The following STK32B variants were observed in gnomAD, a reference collection of about 807,000 sequenced individuals.
The protein encoded by STK32B is serine/threonine kinase 32B.
A neutral mutation model predicts 52.6 loss-of-function variants in STK32B; 43 were observed. The ratio of observed to expected loss-of-function variants is 0.82; its 90% CI spans 0.64 to 1.05. STK32B has a LOEUF of 1.05. Among genes scored for constraint, STK32B ranks in the 50% least tolerant of loss-of-function variants. The probability of loss-of-function intolerance (pLI) is 0.00; values close to 1 mark genes in which losing one functional copy is unlikely to be tolerated. For synonymous variants in STK32B, 238 were observed against 204.3 expected (o/e 1.17, Z -1.41); for missense variants, 621 against 534.6 (o/e 1.16, Z -1.59).
At chr4:5,036,724 G>A in the STK32B span, among the ~76,000 whole-genome samples, 9 of 129,804 alleles carry the variant, frequency 6.9e-5, no homozygotes, top group African/African-American at 2.1e-4. Flanking sequence ...CTGGAGTGCC[G>A]TGGCGTGATC....
chr4:5,393,248 C>G (rs1005868467), intron 4 of STK32B, among the ~76,000 whole-genome samples: 2 of 152,134 alleles, frequency 1.3e-5, no homozygotes, highest in African/African-American at 4.8e-5. Context: ...TGTCTTTGCC[C>G]CACTCTGTTA....
chr4:5,315,889 G>C (rs375516572), intron 3 of STK32B, among the ~76,000 whole-genome samples: 5 of 150,894 alleles, frequency 3.3e-5, no homozygotes, highest in African/African-American at 1.2e-4. Flanking sequence ...ATTTTTAGTA[G>C]AGATGGGGTT....
At chr4:5,370,324 C>T (rs1456558490) in intron 4 of STK32B, among the ~76,000 whole-genome samples, 1 of 152,146 alleles carries the variant, frequency 6.6e-6, no homozygotes, top group Admixed American at 6.5e-5. Flanking sequence ...GGAGCTGCAC[C>T]ATATTTGTGA....
At chr4:5,098,093 G>C (rs547264407) in intron 1 of STK32B, among the ~76,000 whole-genome samples, 1 of 152,166 alleles carries the variant, frequency 6.6e-6, no homozygotes, top group Non-Finnish European at 1.5e-5. Flanking sequence ...AACATCACTC[G>C]CATTATATTT....
chr4:5,174,997 G>A (rs2108745651), intron 3 of STK32B, among the ~76,000 whole-genome samples: 1 of 152,202 alleles, frequency 6.6e-6, no homozygotes, highest in Middle Eastern at 3.4e-3. Flanking sequence ...GGCTTTGTTA[G>A]TTTCTTTTAT....
rs1447221116 is a variant in STK32B, at chr4:5,399,569, G to A, written c.472+1325G>A. ...AGATGCCTGGGGCATGGACAGAGCT[G>A]AGGATCCAAATCAAGGCTGGAAAGG... On this transcript the variant is annotated intron_variant, in intron 5 of 11. Coordinates refer to ENST00000282908, the MANE Select transcript of STK32B (RefSeq NM_018401.3). This position sits in a 1 kb window ranked among gnomAD's most constrained non-coding sequence, Gnocchi z 5.4. 6.6e-6 allele frequency among the ~76,000 whole-genome samples: 1 copy of A among 152,186 alleles called. No individual in the cohort carries two copies. The highest frequency in any genetic ancestry group is 1.5e-5 in the Non-Finnish European group (1 of 68,030).
At chr4:5,458,561 C>A (rs916036383) in intron 8 of STK32B, 4 of 150,804 alleles carry the variant, frequency 2.7e-5, no homozygotes, top group Non-Finnish European at 5.9e-5. Flanking sequence ...CAGGTCCCAG[C>A]TTTTAATCCC....
In STK32B at chr4:5,410,968, A is replaced by T. The variant is rs143686558; in HGVS notation, c.473-5877A>T. 2.9e-3 allele frequency among the ~76,000 whole-genome samples: 444 copies of T among 152,170 alleles called. 7 individuals carry two copies. Among genetic ancestry groups the T allele is most frequent in the East Asian group, 0.016 (84 of 5,176 alleles). On this transcript the variant is annotated intron_variant, in intron 5 of 11. Coordinates refer to ENST00000282908, the MANE Select transcript of STK32B (RefSeq NM_018401.3). ...TCTCATGGCAGAAGATGGAAGATCA[A>T]AACGGTGAATGCAGTGTGAGGCCTG...
intron 6 of STK32B, among the ~76,000 whole-genome samples, chr4:5,429,559 A>G (rs939227192): frequency 2.3e-5 from 2 of 87,814 alleles, no homozygotes; most frequent in Non-Finnish European, 4.2e-5. Flanking sequence ...TTTACTATAA[A>G]TATATGTCAT....
intron 3 of STK32B, among the ~76,000 whole-genome samples, chr4:5,298,378 C>A (rs937304913): frequency 6.6e-6 from 1 of 152,118 alleles, no homozygotes; most frequent in African/African-American, 2.4e-5. Flanking sequence ...GCTGAAGTTG[C>A]GCCCATAGCC....
In STK32B at chr4:5,394,315, T is replaced by C. The variant is rs1736748710; in HGVS notation, c.435-3892T>C. On this transcript the variant is annotated intron_variant, in intron 4 of 11. Transcript: ENST00000282908. The surrounding 1 kb of genome is among the most constrained non-coding windows in gnomAD (Gnocchi z 4.2). ...TCCTCAGGAAACATCGTCACCGCCTTCCCATCCATGCAATGCTCCTGATGC... is the reference window on the plus strand; with the variant it reads ...TCCTCAGGAAACATCGTCACCGCCTCCCCATCCATGCAATGCTCCTGATGC... 6.6e-6 allele frequency among the ~76,000 whole-genome samples: 1 copy of C among 152,146 alleles called. No homozygotes were observed. The highest frequency in any genetic ancestry group is 1.5e-5 in the Non-Finnish European group (1 of 68,028).
At chr4:5,128,997 C>T (rs1293212578) in intron 1 of STK32B, among the ~76,000 whole-genome samples, 1 of 152,144 alleles carries the variant, frequency 6.6e-6, no homozygotes, top group East Asian at 1.9e-4. Context: ...CTGTCGATTC[C>T]AGCCCTTGTG....
At chr4:5,361,290 A>T (rs1052443417) in intron 4 of STK32B, among the ~76,000 whole-genome samples, 4 of 152,240 alleles carry the variant, frequency 2.6e-5, no homozygotes, top group African/African-American at 9.6e-5. Flanking sequence ...AAATGTACAG[A>T]TATCTCTTTG....
chr4:5,143,446 A>G (rs570547636), intron 2 of STK32B, among the ~76,000 whole-genome samples: 1 of 152,276 alleles, frequency 6.6e-6, no homozygotes, highest in Admixed American at 6.5e-5. Context: ...GAGCCCACGC[A>G]TCACACCAGC....
chr4:5,313,421 T>C (rs1348578237), intron 3 of STK32B, among the ~76,000 whole-genome samples: 8 of 151,974 alleles, frequency 5.3e-5, no homozygotes. Flanking sequence ...GGTGACAGAC[T>C]GAATGCTTTC....
chr4:5,367,028 C>A (rs978712521), intron 4 of STK32B, among the ~76,000 whole-genome samples: 1 of 152,096 alleles, frequency 6.6e-6, no homozygotes, highest in African/African-American at 2.4e-5. Flanking sequence ...TTTAAACTCA[C>A]ATCTGCCAAC....
chr4:5,423,660 C>A (rs1012943700), intron 6 of STK32B, among the ~76,000 whole-genome samples: 8 of 152,190 alleles, frequency 5.3e-5, no homozygotes, highest in Non-Finnish European at 1.0e-4. Context: ...AACGAAATCC[C>A]AGTTCACTGC....
chr4:5,057,525 A>C (rs532066926), intron 1 of STK32B, among the ~76,000 whole-genome samples: 1 of 152,202 alleles, frequency 6.6e-6, no homozygotes, highest in Non-Finnish European at 1.5e-5. Flanking sequence ...CTTTCTAGGT[A>C]AGACAAAATT....
chr4:5,133,295 C>T (rs929807476), intron 1 of STK32B, among the ~76,000 whole-genome samples: 1 of 152,150 alleles, frequency 6.6e-6, no homozygotes, highest in Non-Finnish European at 1.5e-5. Context: ...TTATTCTCCC[C>T]AAAATATTTT....
Sources: allele counts gnomAD v4.1 joint callset (sites outside exome capture counted in the v4.1 genomes callset), GRCh38; gene constraint gnomAD v4.1.1; non-coding constraint Gnocchi (gnomAD v3.1); transcripts MANE v1.5; gene names NCBI Gene and HGNC (gene_info 2026-07-23, HGNC 2026-07-21).